The following PIK3CA variants were observed in gnomAD, a reference collection of about 807,000 sequenced individuals.
PIK3CA encodes the protein phosphatidylinositol 4,5-bisphosphate 3-kinase catalytic subunit alpha isoform.
In PIK3CA, 27 loss-of-function variants were observed where a neutral mutation model predicts 138.2. The ratio of observed to expected loss-of-function variants is 0.20; its 90% CI spans 0.14 to 0.27. The LOEUF is 0.27. Among genes scored for constraint, PIK3CA ranks in the 10% least tolerant of loss-of-function variants. The pLI, the probability that PIK3CA is intolerant of heterozygous loss-of-function variation, is 1.00. For missense variants in PIK3CA, 544 were observed against 1,277.4 expected (o/e 0.43, Z 8.75); for synonymous variants, 358 against 413.2 (o/e 0.87, Z 1.62).
In PIK3CA at chr3:179,220,097, C is replaced by T. The variant is rs2108412338; in HGVS notation, c.2015+45C>T. 3 of 1,307,752 alleles carry T rather than the reference C, an allele frequency of 2.3e-6. No individual in the cohort carries two copies. The highest frequency in any genetic ancestry group is 2.4e-5 in the East Asian group (1 of 42,392). The allele number at this position is 1,307,752 out of a possible 1,614,324, so 81.0% of individuals were successfully genotyped here. ...CATTAAATTCTTAAGGTACATATTA[C>T]TTGCTTTCTTAATAGATTTATAAAT... On this transcript the variant is annotated intron_variant, in intron 13 of 20. Transcript: ENST00000263967. The surrounding 1 kb of genome is among the most constrained non-coding windows in gnomAD (Gnocchi z 4.1).
chr3:179,192,677 A>T (rs1190961795), intron 1 of PIK3CA, among the ~76,000 whole-genome samples: 1 of 152,170 alleles, frequency 6.6e-6, no homozygotes, highest in African/African-American at 2.4e-5. Context: ...CATCTGCTCA[A>T]CTCTGTTGTT....
intron 1 of PIK3CA, among the ~76,000 whole-genome samples, chr3:179,164,516 T>G (rs944608226): frequency 6.6e-6 from 1 of 152,238 alleles, no homozygotes; most frequent in African/African-American, 2.4e-5. Context: ...ACATCTCTAT[T>G]TTATGCGATC....
intron 1 of PIK3CA, among the ~76,000 whole-genome samples, chr3:179,175,575 G>A (rs928842574): frequency 2.6e-5 from 4 of 151,668 alleles, no homozygotes; most frequent in African/African-American, 9.7e-5. Flanking sequence ...ATTCTCTCTG[G>A]AACTCCTACT....
At chr3:179,177,820 TATTC>T (rs1428817016) in intron 1 of PIK3CA, among the ~76,000 whole-genome samples, 2 of 152,110 alleles carry the variant, frequency 1.3e-5, no homozygotes, top group Non-Finnish European at 2.9e-5. Flanking sequence ...GAATAGGTCT[TATTC>T]ATAGTTTTTG....
chr3:179,154,320 T>G (rs934226999), intron 1 of PIK3CA, among the ~76,000 whole-genome samples: 3 of 152,120 alleles, frequency 2.0e-5, no homozygotes, highest in Non-Finnish European at 4.4e-5. Context: ...CTCTGCCTGT[T>G]GTCGGAGCAG....
intron 6 of PIK3CA, among the ~76,000 whole-genome samples, chr3:179,208,365 C>T (rs889622614): frequency 6.6e-6 from 1 of 152,158 alleles, no homozygotes; most frequent in African/African-American, 2.4e-5. Context: ...TACTATCTAA[C>T]ATATGAGCTT....
rs2108412563 is a variant in PIK3CA at position 179,220,354 on chromosome 3, G to A, written c.2015+302G>A. On this transcript the variant is annotated intron_variant, in intron 13 of 20. Coordinates refer to ENST00000263967, the MANE Select transcript of PIK3CA (RefSeq NM_006218.4). This position sits in a 1 kb window ranked among gnomAD's most constrained non-coding sequence, Gnocchi z 4.1. ...AATATTGCTGTAGGTTTCACTGTGT[G>A]TATGGATTACAATATCCCCAAACAA... is the stretch of plus-strand genomic sequence containing the variant. Among the ~76,000 whole-genome samples, 1 of 152,194 alleles carries A rather than the reference G, an allele frequency of 6.6e-6. No homozygotes were observed. The highest frequency in any genetic ancestry group is 1.9e-4 in the East Asian group (1 of 5,178).
At chr3:179,156,671 A>G (rs1341171977) in intron 1 of PIK3CA, among the ~76,000 whole-genome samples, 1 of 152,138 alleles carries the variant, frequency 6.6e-6, no homozygotes, top group Non-Finnish European at 1.5e-5. Flanking sequence ...TTAATATTCA[A>G]ATTACCTTCA....
At chr3:179,191,555 C>T (rs1191307228) in intron 1 of PIK3CA, among the ~76,000 whole-genome samples, 2 of 152,098 alleles carry the variant, frequency 1.3e-5, no homozygotes, top group Non-Finnish European at 2.9e-5. Flanking sequence ...TTCAAAATAA[C>T]TTTCTTTCTT....
At chr3:179,172,468 A>G (rs1723581822) in intron 1 of PIK3CA, among the ~76,000 whole-genome samples, 1 of 150,206 alleles carries the variant, frequency 6.7e-6, no homozygotes, top group Admixed American at 6.6e-5. Flanking sequence ...TTATACAGAA[A>G]GTTCTAAAGA....
intron 1 of PIK3CA, among the ~76,000 whole-genome samples, chr3:179,150,195 G>C (rs982287550): frequency 6.6e-6 from 1 of 151,894 alleles, no homozygotes; most frequent in African/African-American, 2.4e-5. Context: ...GTGTGTGTGT[G>C]TGTGTGTTGG....
intron 6 of PIK3CA, 68 bp downstream of exon 6, chr3:179,204,656 T>C (rs1724510835): frequency 1.3e-6 from 1 of 772,652 alleles, no homozygotes; most frequent in Admixed American, 2.1e-5. Flanking sequence ...TCCATAAAAG[T>C]AGTATATTTT....
chr3:179,229,143 A>G, intron 17 of PIK3CA, 129 bp from the exon 18 acceptor site: 1 of 623,768 alleles, frequency 1.6e-6, no homozygotes, highest in Non-Finnish European at 2.7e-6. Context: ...AGAAAATTAA[A>G]ATTGGGGAAA....
chr3:179,186,821 A>G (rs1157184238), intron 1 of PIK3CA, among the ~76,000 whole-genome samples: 2 of 152,142 alleles, frequency 1.3e-5, no homozygotes, highest in African/African-American at 4.8e-5. Flanking sequence ...CATTTCCTTT[A>G]TATTAGACCA....
chr3:179,180,949 T>G (rs546912293), intron 1 of PIK3CA, among the ~76,000 whole-genome samples: 16 of 152,278 alleles, frequency 1.1e-4, no homozygotes, highest in Non-Finnish European at 1.8e-4. Context: ...ATGTTCTCTG[T>G]GTATTAATGC....
At chr3:179,152,599 C>G (rs1723040669) in intron 1 of PIK3CA, among the ~76,000 whole-genome samples, 1 of 152,136 alleles carries the variant, frequency 6.6e-6, no homozygotes, top group Admixed American at 6.5e-5. Flanking sequence ...TAATGTAGAT[C>G]CAAGAGAGTT....
rs141589697 is a variant in PIK3CA, at chr3:179,219,152, C to A, written c.1665-44C>A. On this transcript the variant is annotated intron_variant, in intron 10 of 20. Transcript: ENST00000263967. The surrounding 1 kb of genome is among the most constrained non-coding windows in gnomAD (Gnocchi z 4.2). ...AAGTTAGACATGTCAACCTTTTGAA[C>A]AGCATGCAAGAATGTTTATGTTTAT... 2.3e-3 allele frequency: 2,696 copies of A among 1,187,758 alleles called. 5 individuals are homozygous for A. The highest frequency in any genetic ancestry group is 5.8e-3 in the Middle Eastern group (30 of 5,202). The allele number at this position is 1,187,758 out of a possible 1,614,324, so 73.6% of individuals were successfully genotyped here. A position where few individuals can be genotyped will look rare whatever the true frequency, so the allele number is the denominator to read the frequency against.
intron 14 of PIK3CA, among the ~76,000 whole-genome samples, chr3:179,223,138 T>C (rs1725005773): frequency 6.6e-6 from 1 of 152,232 alleles, no homozygotes; most frequent in African/African-American, 2.4e-5. Context: ...ACATTAGAGT[T>C]GTCAGTGATA....
Position 179,221,071 on chromosome 3 carries a change from C to T in PIK3CA, c.2101C>T (p.His701Tyr), listed in dbSNP as rs2108413541. The stretch of plus-strand genomic sequence containing the variant: ...TCGTGCATGTGGGATGTATTTGAAG[C>T]ACCTGAATAGGCAAGTCGAGGCAAT... The part of the protein sequence containing the change: ...YCRACGMYLK[H>Y]LNRQVEAMEK... The change falls in exon 14 of 21, where the codon CAC (histidine) becomes TAC (tyrosine). Residue 701 changes from histidine (H) to tyrosine (Y), a missense_variant. Coordinates refer to ENST00000263967, the MANE Select transcript of PIK3CA (RefSeq NM_006218.4). 6.2e-7 allele frequency: 1 copy of T among 1,612,372 alleles called. No individual in the cohort carries two copies. The highest frequency in any genetic ancestry group is 8.5e-7 in the Non-Finnish European group (1 of 1,178,592).
Sources: gnomAD v4.1 joint callset for allele counts (sites outside exome capture counted in the v4.1 genomes callset) on GRCh38, gnomAD v4.1.1 for gene constraint, Gnocchi (gnomAD v3.1) non-coding constraint, MANE v1.5 for transcripts, NCBI Gene and HGNC (gene_info 2026-07-23, HGNC 2026-07-21) for gene names.